RIC1: variants seen among roughly 807,000 people sequenced by gnomAD.
RIC1 encodes RIC1 partner of RAB6A GEF complex, also known as guanine nucleotide exchange factor subunit RIC1.
In RIC1, 88 loss-of-function variants were observed where a neutral mutation model predicts 169.0. The observed-to-expected ratio is 0.52, with a 90% CI of 0.44 to 0.62. The LOEUF (loss-of-function observed/expected upper bound fraction) is 0.62. RIC1 is among the 20% of genes least tolerant of loss of function. RIC1 has a pLI of 0.00. For missense variants in RIC1, 1,877 were observed against 1,725.5 expected, an observed-to-expected ratio of 1.09 and a Z score of -1.56; for synonymous variants, 790 against 601.5, an observed-to-expected ratio of 1.31 and a Z score of -4.59.
At chr9:5,703,988 A>G (rs554153180) in intron 3 of RIC1, among the ~76,000 whole-genome samples, 17 of 152,070 alleles carry the variant, frequency 1.1e-4, no homozygotes, top group African/African-American at 4.1e-4. Flanking sequence ...CCCACAAGCC[A>G]TATGTGAAGG....
intron 2 of RIC1, among the ~76,000 whole-genome samples, chr9:5,666,912 A>G (rs553656283): frequency 2.0e-5 from 3 of 152,330 alleles, no homozygotes; most frequent in African/African-American, 4.8e-5. Flanking sequence ...TTGTATTCTC[A>G]TAATCTCTGT....
chr9:5,753,341 T>C, intron 13 of RIC1, 103 bp downstream of exon 13: 1 of 1,063,248 alleles, frequency 9.4e-7, no homozygotes, highest in Non-Finnish European at 1.5e-6. Context: ...AAAATAAAAC[T>C]CTTGATCTAT....
chr9:5,727,278 T>G (rs997009683), intron 6 of RIC1, among the ~76,000 whole-genome samples: 1 of 152,270 alleles, frequency 6.6e-6, no homozygotes, highest in South Asian at 2.1e-4. Flanking sequence ...TTCTCTAAAC[T>G]TCTCTTCTCA....
intron 3 of RIC1, among the ~76,000 whole-genome samples, 185 bp downstream of exon 3, chr9:5,690,223 G>C (rs1163298612): frequency 6.6e-6 from 1 of 151,958 alleles, no homozygotes; most frequent in Non-Finnish European, 1.5e-5. Flanking sequence ...TTTAAGTCTG[G>C]GAATCTTGAT....
chr9:5,749,435 A>G (rs970899860), intron 12 of RIC1, among the ~76,000 whole-genome samples: 13 of 152,200 alleles, frequency 8.5e-5, no homozygotes, highest in African/African-American at 2.9e-4. Flanking sequence ...CTGAAGAAAC[A>G]TAGTTGCCTG....
At chr9:5,659,215 T>G (rs984126318) in intron 2 of RIC1, among the ~76,000 whole-genome samples, 12 of 152,150 alleles carry the variant, frequency 7.9e-5, no homozygotes, top group Admixed American at 2.6e-4. Flanking sequence ...CATTGGTATT[T>G]GGGGTTATTT....
chr9:5,713,764 A>C (rs1823071626), intron 3 of RIC1, 132 bp from the exon 4 acceptor site: 1 of 528,596 alleles, frequency 1.9e-6, no homozygotes, highest in South Asian at 3.2e-5. Flanking sequence ...TCTGTTTTTC[A>C]TTTGAGAATC....
intron 7 of RIC1, among the ~76,000 whole-genome samples, chr9:5,737,794 TATATTA>T (rs1478311841): frequency 6.6e-6 from 1 of 150,678 alleles, no homozygotes; most frequent in Non-Finnish European, 1.5e-5. Flanking sequence ...TTATTTTATA[TATATTA>T]ATATTATATA....
chr9:5,752,481 C>G (rs1825779439), intron 12 of RIC1, among the ~76,000 whole-genome samples: 1 of 150,988 alleles, frequency 6.6e-6, no homozygotes, highest in Non-Finnish European at 1.5e-5. Flanking sequence ...GCTCTTATTC[C>G]CCAGGCTGGA....
intron 3 of RIC1, among the ~76,000 whole-genome samples, chr9:5,692,889 A>G (rs966284916): frequency 6.6e-6 from 1 of 152,048 alleles, no homozygotes; most frequent in African/African-American, 2.4e-5. Context: ...TAGCAACCCT[A>G]TGAGGTAGTT....
intron 3 of RIC1, among the ~76,000 whole-genome samples, chr9:5,690,512 T>C (rs1161418559): frequency 1.3e-5 from 2 of 151,870 alleles, no homozygotes; most frequent in Non-Finnish European, 2.9e-5. Context: ...CTTTTCCTTA[T>C]AGCAGGCCTT....
chr9:5,713,629 T>C, intron 3 of RIC1: 1 of 264,136 alleles, frequency 3.8e-6, no homozygotes, highest in South Asian at 6.0e-5. Context: ...AGTTCACTTT[T>C]ATTTCAAGTG....
At chr9:5,728,290 A>T (rs572823280) in intron 6 of RIC1, among the ~76,000 whole-genome samples, 1 of 152,196 alleles carries the variant, frequency 6.6e-6, no homozygotes, top group Non-Finnish European at 1.5e-5. Context: ...GTTCAATCTG[A>T]GTTGCTGTGC....
intron 3 of RIC1, among the ~76,000 whole-genome samples, chr9:5,708,771 T>G (rs1822753985): frequency 6.6e-6 from 1 of 152,178 alleles, no homozygotes. Flanking sequence ...AGAAAGACTC[T>G]TGGCTTTCTC....
intron 1 of RIC1, among the ~76,000 whole-genome samples, chr9:5,634,359 G>T (rs899525652): frequency 7.9e-5 from 12 of 152,230 alleles, no homozygotes; most frequent in African/African-American, 2.9e-4. Context: ...GTACAGGGAG[G>T]GGATCCCTTT....
At chr9:5,734,834 G>T (rs781644378) in intron 7 of RIC1, among the ~76,000 whole-genome samples, 1 of 152,076 alleles carries the variant, frequency 6.6e-6, no homozygotes, top group Non-Finnish European at 1.5e-5. Flanking sequence ...TCTGAATATA[G>T]CATAATTTAT....
intron 2 of RIC1, among the ~76,000 whole-genome samples, chr9:5,663,239 A>G (rs1819559289): frequency 6.6e-6 from 1 of 152,146 alleles, no homozygotes; most frequent in Non-Finnish European, 1.5e-5. Context: ...AGAGTGTTTT[A>G]CTTCCGATTA....
intron 21 of RIC1, among the ~76,000 whole-genome samples, chr9:5,767,931 A>G (rs981214038): frequency 2.0e-5 from 3 of 152,226 alleles, no homozygotes; most frequent in Non-Finnish European, 4.4e-5. Context: ...GCCAGGCCTT[A>G]TTCTAAGCAT....
chr9:5,778,162 T>C (rs1029454525), downstream of RIC1, among the ~76,000 whole-genome samples: 3 of 152,234 alleles, frequency 2.0e-5, no homozygotes, highest in Admixed American at 1.3e-4. Flanking sequence ...TCTCATACTT[T>C]TGTTAGATTT....
Sources: gnomAD v4.1 joint callset for allele counts (sites outside exome capture counted in the v4.1 genomes callset) on GRCh38, gnomAD v4.1.1 for gene constraint, MANE v1.5 for transcripts, NCBI Gene and HGNC (gene_info 2026-07-23, HGNC 2026-07-21) for gene names.